Variants in STAG2 observed in about 807,000 individuals in gnomAD.
The protein encoded by STAG2 is cohesin subunit SA-2.
STAG2 carries 14 observed loss-of-function variants against 108.1 expected under a neutral mutation model. The observed-to-expected ratio is 0.13, with a 90% CI of 0.09 to 0.20. The LOEUF (loss-of-function observed/expected upper bound fraction) is 0.20, where lower values mean the gene tolerates loss of function less well. STAG2 is among the 10% of genes least tolerant of loss of function. STAG2 has a pLI of 1.00. For missense variants in STAG2, 440 were observed against 940.9 expected (o/e 0.47, Z 6.96); for synonymous variants, 307 against 302.7 (o/e 1.01, Z -0.15).
chrX:124,071,495 G>A (rs973753084), intron 25 of STAG2, among the ~76,000 whole-genome samples, 172 bp downstream of exon 25: 2 of 111,453 alleles, frequency 1.8e-5, no homozygotes, highest in Admixed American at 9.6e-5. Context: ...TAAAGAAAAC[G>A]TGATGTTGCA....
intron 5 of STAG2, among the ~76,000 whole-genome samples, chrX:124,035,455 C>G (rs1025320079): frequency 9.0e-6 from 1 of 111,423 alleles, no homozygotes; most frequent in African/African-American, 3.3e-5. Flanking sequence ...AGCCATTGTT[C>G]CAGTTATCTA....
intron 1 of STAG2, among the ~76,000 whole-genome samples, chrX:123,969,247 T>G (rs1024489740): frequency 3.6e-5 from 4 of 110,622 alleles, no homozygotes; most frequent in African/African-American, 1.3e-4. Context: ...TTGAATTTTT[T>G]GGGGGGGGAA....
At chrX:124,080,900 A>G (rs894282204) in intron 27 of STAG2, among the ~76,000 whole-genome samples, 17 of 112,226 alleles carry the variant, frequency 1.5e-4, no homozygotes, top group Admixed American at 4.7e-4. Flanking sequence ...AAATAGCACT[A>G]AAACTTTTTT....
chrX:124,094,558 T>C (rs1407167259), intron 33 of STAG2, among the ~76,000 whole-genome samples: 4 of 111,982 alleles, frequency 3.6e-5, no homozygotes, highest in African/African-American at 9.7e-5. Flanking sequence ...TGAAGTAAAA[T>C]TACTTAAACT....
chrX:123,985,153 T>C (rs369007262), intron 1 of STAG2, among the ~76,000 whole-genome samples: 12 of 111,499 alleles, frequency 1.1e-4, no homozygotes, highest in African/African-American at 3.3e-4. Context: ...ACTTTTTTTT[T>C]TGCTCTATTT....
At chrX:124,002,179 T>C (rs2056073930) in intron 1 of STAG2, among the ~76,000 whole-genome samples, 1 of 112,122 alleles carries the variant, frequency 8.9e-6, no homozygotes, top group Non-Finnish European at 1.9e-5. Flanking sequence ...ATCATGCCAC[T>C]GCACTGTAGT....
rs762580521 is a variant in STAG2 at position 124,030,911 on chromosome X, A to G, written c.124-50A>G. ...CTACTTCTACTGTAGCTGTGTTTTG[A>G]ACTCTCAAGGATAGTGATATAACTT... On this transcript the variant is annotated intron_variant, in intron 4 of 34. Transcript: ENST00000371145. 1.6e-5 allele frequency: 18 copies of G among 1,117,160 alleles called. No individual in the cohort carries two copies. The Middle Eastern group carries it at 7.5e-4, about 47-fold the overall frequency. The allele number at this position is 1,117,160 out of a possible 1,213,427, so 92.1% of individuals were successfully genotyped here.
At chrX:124,004,569 A>G (rs2056199943) in intron 1 of STAG2, among the ~76,000 whole-genome samples, 1 of 111,103 alleles carries the variant, frequency 9.0e-6, no homozygotes, top group Non-Finnish European at 1.9e-5. Flanking sequence ...TCCATTGTGT[A>G]TATGTACCAT....
At chrX:123,969,520 T>G (rs1054319954) in intron 1 of STAG2, among the ~76,000 whole-genome samples, 3 of 111,830 alleles carry the variant, frequency 2.7e-5, no homozygotes, top group African/African-American at 9.7e-5. Flanking sequence ...TTATACTTCC[T>G]ATTTTAGTTC....
At chrX:123,960,901 A>T (rs2053818517), upstream of STAG2, 1 of 111,293 alleles carries the variant, frequency 9.0e-6, no homozygotes. Context: ...AAGCTTCTAG[A>T]AGTTTGGAGG....
At chrX:123,972,008 C>T (rs897012593) in intron 1 of STAG2, among the ~76,000 whole-genome samples, 2 of 111,432 alleles carry the variant, frequency 1.8e-5, no homozygotes, top group Non-Finnish European at 3.8e-5. Flanking sequence ...TATTTCTGGC[C>T]TGTTTATGCT....
At chrX:124,038,132 A>T (rs1287715170) in intron 6 of STAG2, among the ~76,000 whole-genome samples, 1 of 112,644 alleles carries the variant, frequency 8.9e-6, no homozygotes, top group Non-Finnish European at 1.9e-5. Context: ...GTGTCTTTAA[A>T]GTGTTTTCAC....
rs764539242 is a variant in STAG2, at chrX:124,100,460, G to T, written c.3784-114G>T. On this transcript the variant is annotated intron_variant, in intron 34 of 34. Coordinates refer to ENST00000371145, the MANE Select transcript of STAG2 (RefSeq NM_001042750.2). Reference sequence around the variant, plus strand: ...TGAAGAGAGGGGAAGTTTTCAAAGTGGTTTTATTAGCATGTTATTTAACAT... The same window carrying T: ...TGAAGAGAGGGGAAGTTTTCAAAGTTGTTTTATTAGCATGTTATTTAACAT... 2.2e-5 allele frequency: 13 copies of T among 603,055 alleles called. No individual in the cohort carries two copies. In the South Asian group the frequency reaches 3.8e-4, roughly 18 times the overall value. The allele number at this position is 603,055 out of a possible 1,213,427, so 49.7% of individuals were successfully genotyped here.
intron 1 of STAG2, among the ~76,000 whole-genome samples, chrX:123,983,160 CAAACTT>C (rs1434532154): frequency 9.0e-6 from 1 of 110,819 alleles, no homozygotes; most frequent in South Asian, 3.7e-4. Flanking sequence ...ATGTGACTGA[CAAACTT>C]AAGTTTAACC....
At chrX:124,018,657 T>G (rs2056818096) in intron 1 of STAG2, among the ~76,000 whole-genome samples, 1 of 110,582 alleles carries the variant, frequency 9.0e-6, no homozygotes, top group African/African-American at 3.3e-5. Flanking sequence ...TGTGCCATCA[T>G]GCCCGGCTGA....
chrX:124,051,460 T>C (rs778085828), intron 13 of STAG2, 66 bp downstream of exon 13: 5 of 865,944 alleles, frequency 5.8e-6, no homozygotes, highest in Non-Finnish European at 8.0e-6. Context: ...TTAGAGTATT[T>C]GGTTCAGACT....
chrX:123,983,969 C>CTTTTAT, intron 1 of STAG2, among the ~76,000 whole-genome samples: 1 of 64,633 alleles, frequency 1.5e-5, no homozygotes, highest in African/African-American at 7.4e-5. Context: ...ATTTTCTTTT[C>CTTTTAT]TTTTCTTTTT....
intron 32 of STAG2, among the ~76,000 whole-genome samples, chrX:124,092,093 C>CT (rs1202368798): frequency 9.0e-6 from 1 of 111,216 alleles, no homozygotes; most frequent in African/African-American, 3.3e-5. Flanking sequence ...TTACCCTCTT[C>CT]TTTTTTTAAT....
chrX:124,090,296 TC>T (rs2059226289), intron 30 of STAG2, among the ~76,000 whole-genome samples: 1 of 110,090 alleles, frequency 9.1e-6, no homozygotes, highest in Non-Finnish European at 1.9e-5. Flanking sequence ...AGAAGTTGCT[TC>T]TGGATAGCTG....
Sources: allele counts gnomAD v4.1 joint callset (sites outside exome capture counted in the v4.1 genomes callset), GRCh38; gene constraint gnomAD v4.1.1; transcripts MANE v1.5; gene names NCBI Gene and HGNC (gene_info 2026-07-23, HGNC 2026-07-21).